The following TG variants were observed in gnomAD, a reference collection of about 807,000 sequenced individuals.
The protein encoded by TG is thyroid hormones.
Under a neutral mutation model 324.7 loss-of-function variants are expected in TG, and 270 were observed. That is an observed-to-expected ratio of 0.83 (90% CI 0.75 to 0.92). The LOEUF is 0.92. Ranked by LOEUF, TG falls within the 40% of genes least tolerant of loss-of-function variation. TG has a pLI of 0.00. For synonymous variants in TG, 1,401 were observed against 1,327.0 expected, an observed-to-expected ratio of 1.06 and a Z score of -1.21; for missense variants, 3,591 against 3,456.4, an observed-to-expected ratio of 1.04 and a Z score of -0.98.
intron 41 of TG, among the ~76,000 whole-genome samples, chr8:133,067,355 A>T (rs148281452): frequency 1.3e-5 from 2 of 152,054 alleles, no homozygotes; most frequent in Admixed American, 6.5e-5. Context: ...GCGGCATACC[A>T]GGGGCTCTAG....
At chr8:132,960,119 G>A (rs752058212) in intron 27 of TG, among the ~76,000 whole-genome samples, 10 of 152,138 alleles carry the variant, frequency 6.6e-5, no homozygotes, top group African/African-American at 1.7e-4. Context: ...GTTGGTAGGC[G>A]CAGCACACCA....
chr8:133,104,240 A>G (rs780907166), intron 43 of TG, among the ~76,000 whole-genome samples: 1 of 152,246 alleles, frequency 6.6e-6, no homozygotes, highest in Non-Finnish European at 1.5e-5. Context: ...GAGATCTTTC[A>G]GGCCATCAGA....
chr8:133,057,005 C>G (rs1458263838), intron 41 of TG, among the ~76,000 whole-genome samples: 1 of 152,176 alleles, frequency 6.6e-6, no homozygotes, highest in African/African-American at 2.4e-5. Flanking sequence ...GATTCTGATG[C>G]AGGTGGTGCG....
At chr8:133,013,487 A>T in intron 36 of TG, 113 bp from the exon 37 acceptor site, 3 of 1,291,758 alleles carry the variant, frequency 2.3e-6, no homozygotes, top group Non-Finnish European at 2.2e-6. Context: ...GGATAGAAGG[A>T]TGGATGGATG....
At chr8:132,935,692 A>C in intron 24 of TG, 64 bp from the exon 25 acceptor site, 1 of 1,439,746 alleles carries the variant, frequency 6.9e-7, no homozygotes, top group Non-Finnish European at 9.7e-7. Flanking sequence ...GGGTTGGATG[A>C]ATGTTTGTTG....
chr8:132,996,979 T>A (rs1832944069), intron 35 of TG, among the ~76,000 whole-genome samples: 1 of 152,170 alleles, frequency 6.6e-6, no homozygotes, highest in African/African-American at 2.4e-5. Flanking sequence ...ATCAGATAGA[T>A]TTCAGGGAAA....
chr8:133,101,712 C>A (rs904430475), intron 43 of TG, among the ~76,000 whole-genome samples: 1 of 152,230 alleles, frequency 6.6e-6, no homozygotes, highest in African/African-American at 2.4e-5. Context: ...GAAGGGCTTG[C>A]AGTCAGATGA....
intron 41 of TG, among the ~76,000 whole-genome samples, chr8:133,056,623 A>G (rs1255912020): frequency 1.3e-5 from 2 of 152,250 alleles, no homozygotes; most frequent in Non-Finnish European, 2.9e-5. Context: ...AGCTTCTTGT[A>G]CCTCAGATTC....
In TG at chr8:132,867,018, G is replaced by T; in HGVS notation, c.18G>T (p.Glu6Asp). Residue 6 changes from glutamate (E) to aspartate (D), a missense_variant, in exon 1 of 48, where the codon GAG becomes GAT. By Grantham distance (45) the Glu-to-Asp change is conservative (BLOSUM62 2). Transcript: ENST00000220616. MALVLEIFTLLASICW... is the reference protein window; with the variant it reads MALVLDIFTLLASICW... The stretch of plus-strand genomic sequence containing the variant: ...CCAGGAAAATGGCCCTGGTCCTGGA[G>T]ATCTTCACCCTGCTGGCCTCCATCT... The T allele has an allele frequency of 6.2e-7, 1 of 1,600,066 alleles. No individual in the cohort carries two copies. The highest frequency in any genetic ancestry group is 8.5e-7 in the Non-Finnish European group (1 of 1,172,112).
chr8:132,867,358 A>G (rs1839032732), intron 1 of TG, among the ~76,000 whole-genome samples: 1 of 152,076 alleles, frequency 6.6e-6, no homozygotes, highest in Non-Finnish European at 1.5e-5. Flanking sequence ...TTTGGCATTG[A>G]CCTTGGGTTT....
Position 132,888,535 on chromosome 8 carries a change from G to A in TG, c.2728G>A (p.Gly910Arg), listed in dbSNP as rs1172100998. Residue 910 changes from glycine to arginine, a missense_variant, in exon 10 of 48, where the codon GGA (glycine) becomes AGA (arginine). Transcript: ENST00000220616. ...CVDEAGQELE[G>R]MRSEPSKLPT... ...GGATGAGGCTGGCCAAGAACTGGAA[G>A]GAATGCGGTCTGAGCCAAGCAAGCT... 1.2e-6 allele frequency: 2 copies of A among 1,611,696 alleles called. No individual in the cohort carries two copies. Among genetic ancestry groups the A allele is most frequent in the African/African-American group, 2.7e-5 (2 of 74,848 alleles).
chr8:132,924,275 A>C (rs755556895), intron 22 of TG, among the ~76,000 whole-genome samples: 1 of 152,096 alleles, frequency 6.6e-6, no homozygotes, highest in Non-Finnish European at 1.5e-5. Context: ...CAGGAGGCGG[A>C]GCTCAGGCAG....
At chr8:132,973,099 C>T (rs1829752719) in intron 34 of TG, among the ~76,000 whole-genome samples, 1 of 152,100 alleles carries the variant, frequency 6.6e-6, no homozygotes. Context: ...GAGTTTGGTC[C>T]CACCTGGGCT....
rs1358869793 is a variant in TG at position 132,986,360 on chromosome 8, TGTATATATA to T, written c.6262+2958_6262+2966del. On this transcript the variant is annotated intron_variant, in intron 35 of 47. Transcript: ENST00000220616. ...ATGTGTGTATATATATGTATATATG[TGTATATATA>T]GTATATATATGTGTGTATATATGTG... is the stretch of plus-strand genomic sequence containing the variant. Among the ~76,000 whole-genome samples, 758 of 100,268 alleles carry T rather than the reference TGTATATATA, an allele frequency of 7.6e-3. 9 individuals carry two copies. The highest frequency in any genetic ancestry group is 0.024 in the African/African-American group (707 of 29,934). The allele number at this position is 100,268 out of a possible 152,430, so 65.8% of individuals were successfully genotyped here.
chr8:133,068,990 T>C (rs1484361576), intron 41 of TG, among the ~76,000 whole-genome samples: 3 of 152,252 alleles, frequency 2.0e-5, no homozygotes, highest in Non-Finnish European at 1.5e-5. Context: ...TAGCAAACAT[T>C]GGCAATGAAG....
At position 132,935,805 on chromosome 8, in the gene TG, G is replaced by A. The variant is rs115509019; in HGVS notation, c.4982G>A (p.Arg1661His). The change falls in exon 25 of 48, where the codon CGC becomes CAC. Residue 1661 changes from arginine to histidine, a missense_variant. Coordinates refer to ENST00000220616, the MANE Select transcript of TG (RefSeq NM_003235.5). ...AAGGCCACCAGCTTTGGAAGTCTTC[G>A]CTGCCAGGTGAAAGTGAGGAGCCAT... ...NSKATSFGSL[R>H]CQVKVRSHGQ... 283 of 1,612,840 alleles carry A rather than the reference G, an allele frequency of 1.8e-4. No individual in the cohort carries two copies. Among genetic ancestry groups the A allele is most frequent in the East Asian group, 1.4e-3 (61 of 44,862 alleles).
chr8:132,930,187 A>G (rs964452617), intron 23 of TG, among the ~76,000 whole-genome samples: 7 of 152,258 alleles, frequency 4.6e-5, no homozygotes, highest in Non-Finnish European at 8.8e-5. Flanking sequence ...AGTGCAAGGC[A>G]TGAAGTAGAA....
intron 35 of TG, among the ~76,000 whole-genome samples, chr8:133,011,292 AG>A (rs1834485835): frequency 6.6e-6 from 1 of 152,152 alleles, no homozygotes; most frequent in Non-Finnish European, 1.5e-5. Flanking sequence ...TCCATGGGGA[AG>A]GGGAGGCAGT....
chr8:133,113,970 C>T (rs1564205114), intron 44 of TG, among the ~76,000 whole-genome samples: 2 of 152,234 alleles, frequency 1.3e-5, no homozygotes, highest in African/African-American at 4.8e-5. Context: ...TTCCACGCTC[C>T]TGGCCTTGCA....
Sources: allele counts gnomAD v4.1 joint callset (sites outside exome capture counted in the v4.1 genomes callset), GRCh38; gene constraint gnomAD v4.1.1; transcripts MANE v1.5; gene names NCBI Gene and HGNC (gene_info 2026-07-23, HGNC 2026-07-21).